Variants in CLSTN1 observed in about 807,000 individuals in gnomAD.
CLSTN1 encodes calsyntenin 1.
In CLSTN1, 28 loss-of-function variants were observed where a neutral mutation model predicts 108.3. The observed-to-expected ratio is 0.26, with a 90% CI of 0.19 to 0.35. CLSTN1 has a LOEUF of 0.35. CLSTN1 is among the 10% of genes least tolerant of loss of function. CLSTN1 has a pLI of 1.00. For missense variants in CLSTN1, 1,157 were observed against 1,302.6 expected (o/e 0.89, Z 1.72); for synonymous variants, 524 against 534.9 (o/e 0.98, Z 0.28).
chr1:9,767,150 A>C (rs1652377353), intron 2 of CLSTN1, among the ~76,000 whole-genome samples: 1 of 152,218 alleles, frequency 6.6e-6, no homozygotes, highest in Non-Finnish European at 1.5e-5. Context: ...TAAAATGGAA[A>C]ACAAAGTAGC....
At chr1:9,758,314 G>A (rs1651915090) in intron 2 of CLSTN1, among the ~76,000 whole-genome samples, 1 of 148,114 alleles carries the variant, frequency 6.8e-6, no homozygotes, top group Non-Finnish European at 1.5e-5. Flanking sequence ...TTTATGACTT[G>A]CTTCTTTTTC....
chr1:9,789,192 C>T (rs1259592772), intron 1 of CLSTN1, among the ~76,000 whole-genome samples: 2 of 151,364 alleles, frequency 1.3e-5, no homozygotes, highest in Non-Finnish European at 2.9e-5. Flanking sequence ...GCCCAGAAGG[C>T]GGACTGCTGG....
At chr1:9,811,500 G>A (rs1654754225) in intron 1 of CLSTN1, among the ~76,000 whole-genome samples, 1 of 151,936 alleles carries the variant, frequency 6.6e-6, no homozygotes, top group Non-Finnish European at 1.5e-5. Context: ...TGCCAACTTA[G>A]GGCTTTATAA....
chr1:9,787,402 A>AT (rs70998310), intron 1 of CLSTN1, among the ~76,000 whole-genome samples: 7,663 of 136,578 alleles, frequency 0.056, 395 homozygotes, highest in African/African-American at 0.11. Flanking sequence ...GAGCCTTCTA[A>AT]TTTTTTTTTT....
chr1:9,740,524 C>A (rs1650925197), intron 10 of CLSTN1, among the ~76,000 whole-genome samples: 1 of 152,194 alleles, frequency 6.6e-6, no homozygotes, highest in African/African-American at 2.4e-5. Context: ...ACACAGCCTG[C>A]CACTTGGTAA....
At position 9,733,527 on chromosome 1, in the gene CLSTN1, G is replaced by C. The variant is rs772477530; in HGVS notation, c.2301C>G (p.Ser767Arg). 5 of 1,614,128 alleles carry C rather than the reference G, an allele frequency of 3.1e-6. No individual in the cohort carries two copies. The highest frequency in any genetic ancestry group is 2.2e-5 in the East Asian group (1 of 44,884). The change falls in exon 16 of 19, where the codon AGC becomes AGG. Residue 767 changes from serine to arginine, a missense_variant. Physicochemically the swap from Ser to Arg is moderately radical, Grantham distance 110 (BLOSUM62 -1). Coordinates refer to ENST00000377298, the MANE Select transcript of CLSTN1 (RefSeq NM_001009566.3). ...GCAGCAGGTGCAAAACCTCCTCGTA[G>C]CTGGCCATGGTGTCCACGCCTGCAG... Reference protein sequence around the residue: ...MTFTGVDTMASYEEVLHLLRY... With the variant: ...MTFTGVDTMARYEEVLHLLRY...
chr1:9,820,184 T>G (rs1314330034), intron 1 of CLSTN1, among the ~76,000 whole-genome samples: 1 of 152,084 alleles, frequency 6.6e-6, no homozygotes, highest in Non-Finnish European at 1.5e-5. Flanking sequence ...CCATGATCCT[T>G]GAAAATTTAC....
chr1:9,764,637 T>TAAAA (rs70998307), intron 2 of CLSTN1, among the ~76,000 whole-genome samples: 16 of 82,334 alleles, frequency 1.9e-4, no homozygotes, highest in Admixed American at 6.2e-4. Context: ...GCTCCATCTT[T>TAAAA]AAAAAAAAAA....
chr1:9,746,456 C>T (rs146199785), intron 7 of CLSTN1, among the ~76,000 whole-genome samples: 1 of 152,216 alleles, frequency 6.6e-6, no homozygotes, highest in South Asian at 2.1e-4. Flanking sequence ...TGGCTTGCGC[C>T]TGTAATCCCA....
intron 1 of CLSTN1, among the ~76,000 whole-genome samples, chr1:9,810,687 A>C (rs537520148): frequency 3.3e-5 from 5 of 152,146 alleles, no homozygotes; most frequent in Non-Finnish European, 7.3e-5. Flanking sequence ...AGGCAGGAGA[A>C]TCTCTTGAAC....
chr1:9,801,953 G>T (rs1430681237), intron 1 of CLSTN1, among the ~76,000 whole-genome samples: 1 of 151,974 alleles, frequency 6.6e-6, no homozygotes, highest in African/African-American at 2.4e-5. Context: ...CCTCAACAAA[G>T]CAAGCAAAAA....
chr1:9,790,934 T>G (rs1045359774), intron 1 of CLSTN1, among the ~76,000 whole-genome samples: 1 of 150,736 alleles, frequency 6.6e-6, no homozygotes, highest in African/African-American at 2.4e-5. Context: ...GAGATCGAGA[T>G]CATCCTGGCT....
intron 2 of CLSTN1, among the ~76,000 whole-genome samples, chr1:9,770,346 C>G (rs1652610062): frequency 6.6e-6 from 1 of 152,108 alleles, no homozygotes; most frequent in African/African-American, 2.4e-5. Context: ...GAGAAATACA[C>G]AATAAAATTA....
At chr1:9,794,050 A>C (rs1246328537) in intron 1 of CLSTN1, among the ~76,000 whole-genome samples, 1 of 151,384 alleles carries the variant, frequency 6.6e-6, no homozygotes, top group African/African-American at 2.4e-5. Context: ...CAATAAACTA[A>C]TTGGAGGGGG....
chr1:9,808,314 T>G (rs1438305913), intron 1 of CLSTN1, among the ~76,000 whole-genome samples: 1 of 152,230 alleles, frequency 6.6e-6, no homozygotes. Flanking sequence ...AGCACTGTAC[T>G]GCAACGTGGG....
chr1:9,770,064 T>C (rs1332139793), intron 2 of CLSTN1, among the ~76,000 whole-genome samples: 1 of 150,448 alleles, frequency 6.6e-6, no homozygotes, highest in Non-Finnish European at 1.5e-5. Flanking sequence ...TTGTGGCATA[T>C]GAATTATCTC....
intron 1 of CLSTN1, among the ~76,000 whole-genome samples, chr1:9,782,864 G>A (rs958565350): frequency 3.9e-5 from 6 of 152,162 alleles, no homozygotes; most frequent in Admixed American, 6.6e-5. Flanking sequence ...AAAATTAGCC[G>A]GGCGTGGTGG....
At chr1:9,750,015 A>C (rs1651478525) in intron 5 of CLSTN1, 102 bp from the exon 6 acceptor site, 1 of 924,206 alleles carries the variant, frequency 1.1e-6, no homozygotes, top group South Asian at 1.6e-5. Context: ...AAGCCCTGTA[A>C]ATACTCAGCC....
At chr1:9,731,738 T>C (rs1650407850) in intron 17 of CLSTN1, 23 bp downstream of exon 17, 1 of 1,613,778 alleles carries the variant, frequency 6.2e-7, no homozygotes, top group Admixed American at 1.7e-5. Flanking sequence ...CATCTCCGCT[T>C]GGTCTCCCTC....
Sources: allele counts gnomAD v4.1 joint callset (sites outside exome capture counted in the v4.1 genomes callset), GRCh38; gene constraint gnomAD v4.1.1; transcripts MANE v1.5; gene names NCBI Gene and HGNC (gene_info 2026-07-23, HGNC 2026-07-21).